Variants in GOLGA8S observed in about 807,000 individuals in gnomAD.
GOLGA8S encodes golgin subfamily A member 8S.
GOLGA8S carries 23 observed loss-of-function variants against 58.9 expected under a neutral mutation model. The ratio of observed to expected loss-of-function variants is 0.39; its 90% confidence interval spans 0.28 to 0.55. The LOEUF (loss-of-function observed/expected upper bound fraction) is 0.55. Among genes scored for constraint, GOLGA8S ranks in the 20% least tolerant of loss-of-function variants. The pLI is 0.63. For missense variants in GOLGA8S, 266 were observed against 514.2 expected, an observed-to-expected ratio of 0.52 and a Z score of 4.67; for synonymous variants, 84 against 195.7, an observed-to-expected ratio of 0.43 and a Z score of 4.76.
At chr15:23,362,767 T>C (rs1311917045) in intron 13 of GOLGA8S, among the ~76,000 whole-genome samples, 1 of 143,610 alleles carries the variant, frequency 7.0e-6, no homozygotes. Flanking sequence ...GTGCCCTCGC[T>C]ACCCTATTAA....
At chr15:23,362,585 G>A (rs1228132975) in intron 13 of GOLGA8S, among the ~76,000 whole-genome samples, 5 of 137,970 alleles carry the variant, frequency 3.6e-5, no homozygotes, top group Non-Finnish European at 7.8e-5. Flanking sequence ...TTTAGCAGAT[G>A]GTGGTTGGCT....
downstream of GOLGA8S, among the ~76,000 whole-genome samples, chr15:23,367,671 C>T (rs1293480443): frequency 6.6e-6 from 1 of 151,774 alleles, no homozygotes; most frequent in Non-Finnish European, 1.5e-5. Flanking sequence ...CAGTCTTTTG[C>T]GATACCTCAT....
chr15:23,359,688 C>A (rs1041583510), intron 8 of GOLGA8S, among the ~76,000 whole-genome samples: 10 of 142,600 alleles, frequency 7.0e-5, no homozygotes, highest in African/African-American at 2.6e-4. Flanking sequence ...GAGTCTGGGA[C>A]TATTTGAATG....
chr15:23,362,852 C>G (rs1187423660), intron 13 of GOLGA8S, among the ~76,000 whole-genome samples: 1 of 139,838 alleles, frequency 7.2e-6, no homozygotes, highest in African/African-American at 2.9e-5. Flanking sequence ...GCTGAAGAGC[C>G]AAGAGGCTCA....
chr15:23,358,259 A>G (rs1167427060), intron 4 of GOLGA8S, among the ~76,000 whole-genome samples: 2 of 152,398 alleles, frequency 1.3e-5, no homozygotes, highest in Admixed American at 1.3e-4. Context: ...TTCCAGATTC[A>G]GACCTTCAGT....
chr15:23,364,114 C>T lies in GOLGA8S; in HGVS notation c.1348-229C>T, dbSNP rs1231509390. Reference sequence around the variant, plus strand: ...TGAAAGAGCAGAGGGTGGCTGCCAGCGCCTGGCTCACCTGGTGGCCTCGGC... The same window carrying T: ...TGAAAGAGCAGAGGGTGGCTGCCAGTGCCTGGCTCACCTGGTGGCCTCGGC... On this transcript the variant is annotated intron_variant, in intron 15 of 18. Transcript: ENST00000562295. Among the ~76,000 whole-genome samples, 6 of 136,842 alleles carry T rather than the reference C, an allele frequency of 4.4e-5. 2 individuals are homozygous for T. The highest frequency in any genetic ancestry group is 1.6e-4 in the Admixed American group (2 of 12,698). The allele number at this position is 136,842 out of a possible 152,430, so 89.8% of individuals were successfully genotyped here. A position where few individuals can be genotyped will look rare whatever the true frequency, so the allele number is the denominator to read the frequency against.
intron 15 of GOLGA8S, among the ~76,000 whole-genome samples, chr15:23,364,136 C>T (rs1409629487): frequency 2.2e-5 from 3 of 137,630 alleles, no homozygotes; most frequent in Non-Finnish European, 4.7e-5. Flanking sequence ...CTGGTGGCCT[C>T]GGCCCAGAAG....
intron 14 of GOLGA8S, 42 bp from the exon 15 acceptor site, chr15:23,363,636 G>A (rs755562316): frequency 5.5e-6 from 2 of 360,956 alleles, no homozygotes; most frequent in African/African-American, 2.8e-5. Flanking sequence ...TTCCCTTGTT[G>A]AGTTGTCTGA....
At chr15:23,360,664 G>T in intron 10 of GOLGA8S, 64 bp from the exon 11 acceptor site, 2 of 1,231,826 alleles carry the variant, frequency 1.6e-6, no homozygotes, top group Non-Finnish European at 2.4e-6. Context: ...CAGAGAGGGA[G>T]AGGGCAGCCT....
intron 11 of GOLGA8S, 44 bp from the exon 12 acceptor site, chr15:23,361,177 T>TCTTTTTTC: frequency 8.8e-7 from 1 of 1,141,084 alleles, no homozygotes; most frequent in Admixed American, 2.2e-5. Flanking sequence ...TTCTTTTTTT[T>TCTTTTTTC]TTTTTGGAAT....
rs761018503 is a variant in GOLGA8S at position 23,364,328 on chromosome 15, A to G, written c.1348-15A>G. The G allele has an allele frequency of 3.8e-6, 6 of 1,599,924 alleles. No individual in the cohort carries two copies. In the East Asian group the frequency reaches 8.9e-5, roughly 24 times the overall value. ...AGGTCGCTGCCGAGATGTGACTACA[A>G]TATTTTGGCTCCAGAGCAGCTTTAT... On this transcript the variant is annotated splice_polypyrimidine_tract_variant and intron_variant, in intron 15 of 18. Transcript: ENST00000562295.
exon 16 of GOLGA8S, chr15:23,364,403 G>C (rs140059935): frequency 6.2e-7 from 1 of 1,603,856 alleles, no homozygotes; most frequent in African/African-American, 1.3e-5. Flanking sequence ...GAAGAAACAA[G>C]AACTTCGCTT....
chr15:23,361,370 A>C lies in GOLGA8S; in HGVS notation c.1024A>C (p.Arg342=), dbSNP rs772527697. The change falls in exon 12 of 19, where the codon AGG becomes CGG. Residue 342 remains arginine (R), a synonymous_variant. Transcript: ENST00000562295. ...TCTCCTGAATGAGGGGCAAAAGGAG[A>C]GGCTTCGGGAGCAGCAGGAGAGGCT... 4 of 1,123,478 alleles carry C rather than the reference A, an allele frequency of 3.6e-6. No homozygotes were observed. In the South Asian group the frequency reaches 4.9e-5, roughly 14 times the overall value. The allele number at this position is 1,123,478 out of a possible 1,614,324, so 69.6% of individuals were successfully genotyped here. A position where few individuals can be genotyped will look rare whatever the true frequency, so the allele number is the denominator to read the frequency against.
At chr15:23,367,910 G>GA (rs915526694), downstream of GOLGA8S, among the ~76,000 whole-genome samples, 808 of 149,664 alleles carry the variant, frequency 5.4e-3, 6 homozygotes, top group African/African-American at 0.018. Flanking sequence ...TTCCAGAAAT[G>GA]AAAAAAAAAT....
At chr15:23,364,485 C>A (rs770478126) in intron 16 of GOLGA8S, 41 bp from the exon 17 acceptor site, 6 of 1,605,236 alleles carry the variant, frequency 3.7e-6, no homozygotes, top group Non-Finnish European at 5.1e-6. Flanking sequence ...GCTACAGGGC[C>A]GTCGGAGGGG....
downstream of GOLGA8S, chr15:23,365,446 T>A (rs541757574): frequency 6.2e-6 from 3 of 483,068 alleles, no homozygotes; most frequent in Admixed American, 7.2e-5. Flanking sequence ...ACCCACTCTT[T>A]GCCCAAAACT....
exon 11 of GOLGA8S, chr15:23,360,755 C>G (rs1295687972): frequency 8.3e-7 from 1 of 1,205,954 alleles, no homozygotes. Flanking sequence ...GGAGAAGAAG[C>G]ATGATAAATA....
rs4036659 is a variant in GOLGA8S at position 23,364,489 on chromosome 15, G to A, written c.1449-37G>A. On this transcript the variant is annotated intron_variant, in intron 16 of 18. Transcript: ENST00000562295. ...CAGCAGGGGGAGCTACAGGGCCGTC[G>A]GAGGGGCCCCAGCGTCTGAGCCCTG... The A allele has an allele frequency of 8.5e-5, 137 of 1,605,162 alleles. 1 individual carries two copies. The highest frequency in any genetic ancestry group is 1.1e-4 in the Non-Finnish European group (124 of 1,179,200).
At chr15:23,361,314 A>G in exon 12 of GOLGA8S, 1 of 1,297,264 alleles carries the variant, frequency 7.7e-7, no homozygotes. Context: ...GGAGCGCTCC[A>G]GGCCCAGGTG....
Sources: gnomAD v4.1 joint callset for allele counts (sites outside exome capture counted in the v4.1 genomes callset) on GRCh38, gnomAD v4.1.1 for gene constraint, MANE v1.5 for transcripts, NCBI Gene and HGNC (gene_info 2026-07-23, HGNC 2026-07-21) for gene names.